Variants in DCDC2C observed in about 807,000 individuals in gnomAD.
The protein encoded by DCDC2C is doublecortin domain containing 2C, also known as doublecortin domain-containing protein 2C.
A neutral mutation model predicts 45.0 loss-of-function variants in DCDC2C; 44 were observed. The ratio of observed to expected loss-of-function variants is 0.98; its 90% confidence interval spans 0.77 to 1.26. The LOEUF is 1.26. Ranked by LOEUF, DCDC2C falls within the 50% of genes most tolerant of loss-of-function variation. The probability of loss-of-function intolerance (pLI) is 0.00; values close to 1 mark genes in which losing one functional copy is unlikely to be tolerated. For synonymous variants in DCDC2C, 187 were observed against 178.8 expected, an observed-to-expected ratio of 1.05 and a Z score of -0.37; for missense variants, 447 against 468.9, an observed-to-expected ratio of 0.95 and a Z score of 0.43.
chr2:3,827,080 G>C (rs1227152926), intron 10 of DCDC2C, among the ~76,000 whole-genome samples: 1 of 152,162 alleles, frequency 6.6e-6, no homozygotes, highest in Non-Finnish European at 1.5e-5. Context: ...GAGGAGCTCT[G>C]CTAGCTCACG....
chr2:3,723,650 G>A (rs1052545738), intron 2 of DCDC2C, among the ~76,000 whole-genome samples: 3 of 152,236 alleles, frequency 2.0e-5, no homozygotes, highest in South Asian at 2.1e-4. Context: ...TGTTTACAAA[G>A]GCTACTTTGC....
At chr2:3,731,526 A>G (rs1668866356) in intron 3 of DCDC2C, among the ~76,000 whole-genome samples, 1 of 152,172 alleles carries the variant, frequency 6.6e-6, no homozygotes, top group Non-Finnish European at 1.5e-5. Flanking sequence ...GTAGATCCCA[A>G]AGGGAGAAAT....
At chr2:3,841,992 C>A (rs1672226179) in intron 10 of DCDC2C, among the ~76,000 whole-genome samples, 1 of 152,042 alleles carries the variant, frequency 6.6e-6, no homozygotes, top group African/African-American at 2.4e-5. Context: ...CATATTTTTA[C>A]CCCTATTTTC....
At chr2:3,813,765 G>T (rs1671482398) in intron 10 of DCDC2C, among the ~76,000 whole-genome samples, 1 of 117,780 alleles carries the variant, frequency 8.5e-6, no homozygotes, top group African/African-American at 3.2e-5. Flanking sequence ...CCATTTGCTT[G>T]GTAAATTTTC....
chr2:3,762,690 A>T (rs973731153), intron 6 of DCDC2C, among the ~76,000 whole-genome samples: 2 of 152,096 alleles, frequency 1.3e-5, no homozygotes, highest in Admixed American at 6.5e-5. Context: ...CACCCCCATG[A>T]CCCAAACCCC....
rs149808088 is a variant in DCDC2C, at chr2:3,736,944, C to T, written c.417-4976C>T. On this transcript the variant is annotated intron_variant, in intron 3 of 10. Coordinates refer to ENST00000399143, the MANE Select transcript of DCDC2C (RefSeq NM_001287444.2). ...CAAAATGCCTGTAACCTCCTTTTGC[C>T]TTCATTATAAGCCTATGCAGCAGAT... Among the ~76,000 whole-genome samples the T allele has an allele frequency of 4.6e-5, 7 of 152,252 alleles. No individual in the cohort carries two copies. In the East Asian group the frequency reaches 1.3e-3, roughly 29 times the overall value.
intron 10 of DCDC2C, among the ~76,000 whole-genome samples, chr2:3,839,990 C>T (rs527478988): frequency 2.6e-5 from 4 of 152,166 alleles, no homozygotes; most frequent in South Asian, 2.1e-4. Flanking sequence ...CCGTGGACTT[C>T]GCAATACCTG....
At chr2:3,842,637 TAA>T (rs3067135) in intron 10 of DCDC2C, among the ~76,000 whole-genome samples, 88 of 139,218 alleles carry the variant, frequency 6.3e-4, no homozygotes, top group African/African-American at 1.9e-3. Flanking sequence ...TAATTTGCAG[TAA>T]AAAAAAAAAA....
chr2:3,791,675 C>T (rs905230644), intron 10 of DCDC2C, among the ~76,000 whole-genome samples: 20 of 152,176 alleles, frequency 1.3e-4, no homozygotes, highest in African/African-American at 2.4e-4. Context: ...CCAGCTTCCC[C>T]GGGGGCCTGA....
intron 10 of DCDC2C, among the ~76,000 whole-genome samples, chr2:3,838,477 A>G (rs1285369504): frequency 6.7e-6 from 1 of 150,276 alleles, no homozygotes; most frequent in Non-Finnish European, 1.5e-5. Flanking sequence ...AGAGAGAGAG[A>G]GAGAGACCAA....
chr2:3,750,784 T>C (rs1669521914), intron 4 of DCDC2C, among the ~76,000 whole-genome samples: 1 of 152,184 alleles, frequency 6.6e-6, no homozygotes, highest in African/African-American at 2.4e-5. Flanking sequence ...GGAAATTAAT[T>C]TTCATGATTT....
chr2:3,841,063 G>A (rs182144789), intron 10 of DCDC2C, among the ~76,000 whole-genome samples: 153 of 152,296 alleles, frequency 1.0e-3, no homozygotes, highest in African/African-American at 2.8e-3. Flanking sequence ...TCAACAATGC[G>A]GTTTTGGCAG....
intron 9 of DCDC2C, among the ~76,000 whole-genome samples, chr2:3,784,397 A>G (rs532263682): frequency 1.8e-4 from 28 of 152,212 alleles, no homozygotes; most frequent in African/African-American, 6.3e-4. Flanking sequence ...AACCATTATT[A>G]TGATAGCCAG....
intron 10 of DCDC2C, among the ~76,000 whole-genome samples, chr2:3,844,850 A>G (rs1315925708): frequency 6.6e-6 from 1 of 152,200 alleles, no homozygotes; most frequent in East Asian, 1.9e-4. Flanking sequence ...CTGTCAACCC[A>G]CACTTGGCAT....
chr2:3,818,762 G>A lies in DCDC2C; in HGVS notation c.1066-28392G>A, dbSNP rs934659798. Among the ~76,000 whole-genome samples, 2 of 152,056 alleles carry A rather than the reference G, an allele frequency of 1.3e-5. No homozygotes were observed. Among genetic ancestry groups the A allele is most frequent in the African/African-American group, 2.4e-5 (1 of 41,382 alleles). On this transcript the variant is annotated intron_variant, in intron 10 of 10. Transcript: ENST00000399143. This position sits in a 1 kb window ranked among gnomAD's most constrained non-coding sequence, Gnocchi z 4.7. Reference sequence around the variant, plus strand: ...TCTTATACTTGTGGATTAAGGTGGGGAGATACAAGGGGAGAATGTGAAGGA... The same window carrying A: ...TCTTATACTTGTGGATTAAGGTGGGAAGATACAAGGGGAGAATGTGAAGGA...
chr2:3,705,884 T>G (rs1031462014), intron 1 of DCDC2C, among the ~76,000 whole-genome samples: 3 of 152,074 alleles, frequency 2.0e-5, no homozygotes, highest in African/African-American at 7.2e-5. Context: ...GGGAGGGGAG[T>G]TGGGGTCCGT....
intron 6 of DCDC2C, among the ~76,000 whole-genome samples, chr2:3,757,725 C>G (rs1166564782): frequency 6.6e-6 from 1 of 152,184 alleles, no homozygotes; most frequent in African/African-American, 2.4e-5. Flanking sequence ...GGGCGTAACC[C>G]TAGCAGACCT....
Position 3,789,209 on chromosome 2 carries a change from G to A in DCDC2C, c.1065+4109G>A, listed in dbSNP as rs114208138. Among the ~76,000 whole-genome samples, 1,173 of 147,584 alleles carry A rather than the reference G, an allele frequency of 7.9e-3. 14 individuals carry two copies. The highest frequency in any genetic ancestry group is 0.03 in the African/African-American group (1,127 of 37,124). ...TTTTGTCTACCTTTGAAACATTTAT[G>A]TTTTAGCCCATTGGAGAAACAAGAG... On this transcript the variant is annotated intron_variant, in intron 10 of 10. Transcript: ENST00000399143.
Position 3,775,218 on chromosome 2 carries a change from GACTAGGCAGCTGTGGCTCTGA to G in DCDC2C, c.955-3597_955-3577del, listed in dbSNP as rs1407233280. ...TCTGAGCTAGGCAGCTGTGGCTGTGGACTAGGCAGCTGTGGCTCTGAGCTAGGCAGCTGTGGCTGTGGGCTA... is the reference window on the plus strand; with the variant it reads ...TCTGAGCTAGGCAGCTGTGGCTGTGGGCTAGGCAGCTGTGGCTGTGGGCTA... On this transcript the variant is annotated intron_variant, in intron 8 of 10. Coordinates refer to ENST00000399143, the MANE Select transcript of DCDC2C (RefSeq NM_001287444.2). Among the ~76,000 whole-genome samples the G allele has an allele frequency of 2.4e-5, 2 of 83,444 alleles. 1 individual carries two copies. Among genetic ancestry groups the G allele is most frequent in the Non-Finnish European group, 4.6e-5 (2 of 43,864 alleles). 54.7% of individuals were successfully genotyped at this position (83,444 alleles called of 152,430 possible).
Sources: gnomAD v4.1 joint callset for allele counts (sites outside exome capture counted in the v4.1 genomes callset) on GRCh38, gnomAD v4.1.1 for gene constraint, Gnocchi (gnomAD v3.1) non-coding constraint, MANE v1.5 for transcripts, NCBI Gene and HGNC (gene_info 2026-07-23, HGNC 2026-07-21) for gene names.